ZNF117: variants seen among roughly 807,000 people sequenced by gnomAD.
ZNF117 encodes zinc finger protein 117, also known as Krueppel-related zinc finger protein.
A neutral mutation model predicts 41.2 loss-of-function variants in ZNF117; 37 were observed. The ratio of observed to expected loss-of-function variants is 0.90; its 90% CI spans 0.69 to 1.18. The LOEUF is 1.18. Among genes scored for constraint, ZNF117 ranks in the 50% most tolerant of loss-of-function variants. ZNF117 has a pLI of 0.00. For synonymous variants in ZNF117, 186 were observed against 186.6 expected, an observed-to-expected ratio of 1.00 and a Z score of 0.02; for missense variants, 546 against 557.5, an observed-to-expected ratio of 0.98 and a Z score of 0.21.
At chr7:64,984,184 T>G (rs2129120008), upstream of ZNF117, among the ~76,000 whole-genome samples, 1 of 151,934 alleles carries the variant, frequency 6.6e-6, no homozygotes, top group South Asian at 2.1e-4. Context: ...CAGGCTGGAG[T>G]GTAGTGGTAC....
intron 1 of ZNF117, among the ~76,000 whole-genome samples, chr7:64,989,476 T>TATAC (rs2129121322): frequency 1.0e-5 from 1 of 98,362 alleles, no homozygotes; most frequent in South Asian, 3.3e-4. Context: ...TATATATATA[T>TATAC]ATATATATAT....
downstream of ZNF117, chr7:64,973,466 A>C (rs1208114338): frequency 6.6e-6 from 1 of 151,994 alleles, no homozygotes; most frequent in Non-Finnish European, 1.5e-5. Context: ...AAATTTAATA[A>C]GTTTTTCCTT....
At chr7:64,989,554 G>A (rs1286911553) in intron 1 of ZNF117, among the ~76,000 whole-genome samples, 1 of 128,968 alleles carries the variant, frequency 7.8e-6, no homozygotes, top group Non-Finnish European at 1.6e-5. Flanking sequence ...ATAAAAACTG[G>A]CAAAGATTTT....
At chr7:64,989,481 ATAT>A (rs1472341418) in intron 1 of ZNF117, among the ~76,000 whole-genome samples, 1 of 93,830 alleles carries the variant, frequency 1.1e-5, no homozygotes, top group African/African-American at 3.2e-5. Flanking sequence ...ATATATATAT[ATAT>A]ATATATATAT....
chr7:64,973,302 T>C (rs1785811534), downstream of ZNF117: 1 of 152,022 alleles, frequency 6.6e-6, no homozygotes, highest in Admixed American at 6.6e-5. Flanking sequence ...TGCTATATCA[T>C]AGAAAATTAA....
exon 3 of ZNF117, chr7:64,977,727 C>G: frequency 2.2e-6 from 2 of 891,466 alleles, no homozygotes; most frequent in Admixed American, 3.7e-5. Context: ...ACATTCTTCA[C>G]ATTTATATGG....
chr7:64,990,843 G>A (rs1335169765), exon 1 of ZNF117: 2 of 160,478 alleles, frequency 1.2e-5, no homozygotes, highest in African/African-American at 4.8e-5. Flanking sequence ...GCAGGACTTT[G>A]GAGTGAGTCA....
chr7:64,982,155 T>C (rs1786046724), upstream of ZNF117: 3 of 716,696 alleles, frequency 4.2e-6, no homozygotes, highest in Admixed American at 2.4e-5. Context: ...CAAAATCACA[T>C]ACATTTACCA....
rs775959299 is a variant in ZNF117 at position 64,978,129 on chromosome 7, G to A, written c.1442C>T (p.Ala481Val). 6.2e-6 allele frequency: 10 copies of A among 1,608,718 alleles called. No homozygotes were observed. The South Asian group carries it at 1.1e-4, about 18-fold the overall frequency. Residue 481 changes from alanine to valine, a missense_variant, in exon 3 of 3, where the codon GCT (alanine) becomes GTT (valine). Coordinates refer to ENST00000620222, the Ensembl canonical transcript of ZNF117. ...AATGAGTTTTGAGGATCAGGTAGAAGCTTTGCCACATTCATCACATTTGTA... is the reference window on the plus strand; with the variant it reads ...AATGAGTTTTGAGGATCAGGTAGAAACTTTGCCACATTCATCACATTTGTA...
chr7:64,985,229 A>G (rs934099397), upstream of ZNF117, among the ~76,000 whole-genome samples: 1 of 152,254 alleles, frequency 6.6e-6, no homozygotes, highest in Non-Finnish European at 1.5e-5. Context: ...ATTGTACTCA[A>G]GTAATAAATA....
exon 3 of ZNF117, chr7:64,975,724 T>C (rs1785871947): frequency 2.0e-5 from 3 of 152,164 alleles, no homozygotes; most frequent in Admixed American, 2.0e-4. Context: ...TTTAAAGTTA[T>C]ATATAAATAA....
upstream of ZNF117, among the ~76,000 whole-genome samples, chr7:64,983,760 G>A (rs1177463498): frequency 6.6e-6 from 1 of 152,140 alleles, no homozygotes; most frequent in Non-Finnish European, 1.5e-5. Flanking sequence ...AGAGCTCTGT[G>A]ACAGCCCACC....
At chr7:64,979,229 A>G (rs1785970927) in exon 3 of ZNF117, 1 of 1,609,052 alleles carries the variant, frequency 6.2e-7, no homozygotes, top group African/African-American at 1.3e-5. Flanking sequence ...ATGTTTTGCG[A>G]CATTCTTTAC....
chr7:64,982,491 G>C (rs553035577), upstream of ZNF117, among the ~76,000 whole-genome samples: 17 of 152,244 alleles, frequency 1.1e-4, no homozygotes, highest in South Asian at 2.1e-3. Context: ...AAGGTACCTC[G>C]CAAGTTTTAA....
At chr7:64,978,444 A>C in exon 3 of ZNF117, 8 of 1,613,574 alleles carry the variant, frequency 5.0e-6, no homozygotes, top group Non-Finnish European at 5.9e-6. Flanking sequence ...ATGTGTATTA[A>C]GGGCTGAGGA....
At chr7:64,989,473 A>G (rs1329209635) in intron 1 of ZNF117, among the ~76,000 whole-genome samples, 1 of 117,364 alleles carries the variant, frequency 8.5e-6, no homozygotes, top group African/African-American at 3.1e-5. Flanking sequence ...ATATATATAT[A>G]TATATATATA....
At chr7:64,979,263 T>A in exon 3 of ZNF117, 2 of 1,602,146 alleles carry the variant, frequency 1.2e-6, no homozygotes, top group African/African-American at 1.3e-5. Context: ...ATTTTCAGTA[T>A]GTCTCATCTT....
chr7:64,976,889 A>C, exon 3 of ZNF117: 1 of 493,436 alleles, frequency 2.0e-6, no homozygotes, highest in Non-Finnish European at 4.1e-6. Flanking sequence ...CACATTCTTC[A>C]CATTTGCAGG....
At chr7:64,973,225 T>C (rs1005243843), downstream of ZNF117, 18 of 151,954 alleles carry the variant, frequency 1.2e-4, no homozygotes, top group Non-Finnish European at 1.9e-4. Context: ...CAGAAGTCAT[T>C]TTATTATTTT....
Sources: gnomAD v4.1 joint callset for allele counts (sites outside exome capture counted in the v4.1 genomes callset) on GRCh38, gnomAD v4.1.1 for gene constraint, MANE v1.5 for transcripts, NCBI Gene and HGNC (gene_info 2026-07-23, HGNC 2026-07-21) for gene names.